The following EFCAB6 variants were observed in gnomAD, a reference collection of about 807,000 sequenced individuals.
The protein encoded by EFCAB6 is EF-hand calcium-binding domain-containing protein 6.
EFCAB6 carries 156 observed loss-of-function variants against 169.8 expected under a neutral mutation model. The observed-to-expected ratio is 0.92, with a 90% CI of 0.81 to 1.05. The LOEUF (loss-of-function observed/expected upper bound fraction) is 1.05, where lower values mean the gene tolerates loss of function less well. EFCAB6 is among the 50% of genes least tolerant of loss of function. EFCAB6 has a pLI of 0.00. For synonymous variants in EFCAB6, 698 were observed against 676.4 expected, an observed-to-expected ratio of 1.03 and a Z score of -0.50; for missense variants, 1,800 against 1,829.1, an observed-to-expected ratio of 0.98 and a Z score of 0.29.
At chr22:43,719,542 G>C (rs2059449294) in intron 8 of EFCAB6, among the ~76,000 whole-genome samples, 1 of 152,200 alleles carries the variant, frequency 6.6e-6, no homozygotes, top group South Asian at 2.1e-4. Flanking sequence ...ATAAAAGGTT[G>C]CTGCAAATAT....
intron 19 of EFCAB6, among the ~76,000 whole-genome samples, chr22:43,629,358 C>T (rs890782638): frequency 5.9e-5 from 9 of 152,126 alleles, no homozygotes; most frequent in Admixed American, 1.3e-4. Context: ...ACTTTTTCCC[C>T]GTCTCTGACC....
intron 2 of EFCAB6, among the ~76,000 whole-genome samples, chr22:43,784,645 A>G (rs1277998493): frequency 9.3e-6 from 1 of 107,784 alleles, no homozygotes; most frequent in African/African-American, 3.5e-5. Flanking sequence ...ATATGTACAC[A>G]TATATATGTG....
chr22:43,806,643 C>A (rs1469152898), intron 2 of EFCAB6, among the ~76,000 whole-genome samples: 1 of 152,176 alleles, frequency 6.6e-6, no homozygotes, highest in Non-Finnish European at 1.5e-5. Flanking sequence ...TCCAGGCATG[C>A]TACGTTCTTA....
Position 43,577,684 on chromosome 22 carries a change from A to G in EFCAB6, c.3229-1196T>C, listed in dbSNP as rs147810110. Among the ~76,000 whole-genome samples, 504 of 152,252 alleles carry G rather than the reference A, an allele frequency of 3.3e-3. 1 individual carries two copies. The highest frequency in any genetic ancestry group is 0.012 in the African/African-American group (483 of 41,522). ...TCAAATGTTAAGGAGAACGATCATA[A>G]GAATGAACACAGACAACTGTGCCGC... is the stretch of plus-strand genomic sequence containing the variant. On this transcript the variant is annotated intron_variant, in intron 25 of 31. Coordinates refer to ENST00000262726, the MANE Select transcript of EFCAB6 (RefSeq NM_022785.4).
At chr22:43,629,660 G>A (rs1291229492) in intron 19 of EFCAB6, among the ~76,000 whole-genome samples, 1 of 152,184 alleles carries the variant, frequency 6.6e-6, no homozygotes, top group Non-Finnish European at 1.5e-5. Context: ...AGGGGAATGT[G>A]CAGTGGCAAC....
rs1052688843 is a variant in EFCAB6, at chr22:43,626,602, G to A, written c.2310C>T (p.Leu770=). Reference sequence around the variant, plus strand: ...CTTTGAGATTAAGCAGTAGATGCAGGAGCAGTCTGTGAAGGTCATGCATGT... The same window carrying A: ...CTTTGAGATTAAGCAGTAGATGCAGAAGCAGTCTGTGAAGGTCATGCATGT... ...IINMHDLHRL[L]LHLLLNLKDD... is the part of the protein sequence containing the mutation. The change falls in exon 20 of 32, where the codon CTC becomes CTT. Residue 770 remains leucine, a synonymous_variant. Coordinates refer to ENST00000262726, the MANE Select transcript of EFCAB6 (RefSeq NM_022785.4). The A allele has an allele frequency of 6.2e-7, 1 of 1,614,176 alleles. No individual in the cohort carries two copies.
intron 6 of EFCAB6, among the ~76,000 whole-genome samples, chr22:43,741,361 G>C (rs2035370758): frequency 6.6e-6 from 1 of 152,082 alleles, no homozygotes. Flanking sequence ...CAGTTATGGG[G>C]CCTCTTCCTT....
intron 19 of EFCAB6, among the ~76,000 whole-genome samples, chr22:43,627,731 G>T (rs1028841646): frequency 1.3e-5 from 2 of 152,124 alleles, no homozygotes; most frequent in East Asian, 3.9e-4. Context: ...CTGCTCTGGC[G>T]GCATTGCGCT....
chr22:43,557,774 A>G (rs2147095921), intron 26 of EFCAB6, among the ~76,000 whole-genome samples: 2 of 152,368 alleles, frequency 1.3e-5, no homozygotes, highest in South Asian at 4.1e-4. Flanking sequence ...AAAATAAAAT[A>G]TTAGAAATAT....
chr22:43,730,637 C>T (rs73174346), intron 8 of EFCAB6, among the ~76,000 whole-genome samples: 10,726 of 152,176 alleles, frequency 0.07, 492 homozygotes, highest in Non-Finnish European at 0.099. Flanking sequence ...ATATGTGCCA[C>T]GGAGAGATGC....
chr22:43,586,909 C>T (rs767535693), intron 24 of EFCAB6, among the ~76,000 whole-genome samples: 1 of 151,918 alleles, frequency 6.6e-6, no homozygotes, highest in Non-Finnish European at 1.5e-5. Flanking sequence ...GCATAAACTC[C>T]GAAGGACTAG....
intron 13 of EFCAB6, among the ~76,000 whole-genome samples, chr22:43,676,088 G>A (rs1185834186): frequency 6.6e-6 from 1 of 151,874 alleles, no homozygotes; most frequent in African/African-American, 2.4e-5. Context: ...ATCATATAAC[G>A]TGAAGCTGAA....
chr22:43,714,321 C>T (rs1373760008), intron 9 of EFCAB6, among the ~76,000 whole-genome samples: 1 of 151,856 alleles, frequency 6.6e-6, no homozygotes, highest in African/African-American at 2.4e-5. Context: ...ACAGGGACTA[C>T]TGTGGAAGGA....
chr22:43,632,029 C>T, intron 19 of EFCAB6, 76 bp downstream of exon 19: 1 of 1,565,568 alleles, frequency 6.4e-7, no homozygotes, highest in African/African-American at 1.4e-5. Flanking sequence ...TACACCAGGA[C>T]TCACACCCAC....
At chr22:43,783,876 C>T (rs912709386) in intron 2 of EFCAB6, among the ~76,000 whole-genome samples, 1 of 152,076 alleles carries the variant, frequency 6.6e-6, no homozygotes, top group East Asian at 1.9e-4. Flanking sequence ...GACTGGGCAA[C>T]ATACTGAGAC....
intron 9 of EFCAB6, among the ~76,000 whole-genome samples, chr22:43,714,436 C>T (rs970108894): frequency 6.6e-6 from 1 of 151,908 alleles, no homozygotes; most frequent in Non-Finnish European, 1.5e-5. Context: ...AAAGGAAGAA[C>T]TGAATCTGTC....
intron 5 of EFCAB6, among the ~76,000 whole-genome samples, chr22:43,764,929 T>TG (rs11452792): frequency 1 from 152,276 of 152,280 alleles, 76,136 homozygotes; most frequent in Middle Eastern, 1. Flanking sequence ...CACTTTCCAA[T>TG]AACAACATTA....
chr22:43,535,079 G>A (rs745589037), intron 29 of EFCAB6: 27 of 574,284 alleles, frequency 4.7e-5, no homozygotes, highest in Non-Finnish European at 7.6e-5. Flanking sequence ...CCTGAGTCCC[G>A]CTGGCCCACA....
intron 2 of EFCAB6, among the ~76,000 whole-genome samples, chr22:43,784,549 GTATATATACACATATA>G (rs1569487187): frequency 1.3e-5 from 1 of 77,916 alleles, no homozygotes; most frequent in African/African-American, 4.5e-5. Context: ...GTGTGTATAT[GTATATATACACATATA>G]TATGTGTACA....
Sources: allele counts gnomAD v4.1 joint callset (sites outside exome capture counted in the v4.1 genomes callset), GRCh38; gene constraint gnomAD v4.1.1; transcripts MANE v1.5; gene names NCBI Gene and HGNC (gene_info 2026-07-23, HGNC 2026-07-21).